HEMK2: variants seen among roughly 807,000 people sequenced by gnomAD.
The protein encoded by HEMK2 is HemK methyltransferase 2, ETF1 glutamine and histone H4 lysine, also known as methyltransferase HEMK2.
At chr21:28,840,995 A>T in the HEMK2 span, among the ~76,000 whole-genome samples, 7 of 85,876 alleles carry the variant, frequency 8.2e-5, no homozygotes, top group African/African-American at 3.2e-4. Flanking sequence ...TGATAGATAC[A>T]TATATATATT....
At chr21:28,781,162 T>C in the HEMK2 span, among the ~76,000 whole-genome samples, 1 of 152,332 alleles carries the variant, frequency 6.6e-6, no homozygotes, top group African/African-American at 2.4e-5. Context: ...GGACAGCAGA[T>C]ATGAAAGAGG....
At chr21:28,833,268 T>G in the HEMK2 span, among the ~76,000 whole-genome samples, 2 of 152,240 alleles carry the variant, frequency 1.3e-5, no homozygotes, top group Non-Finnish European at 1.5e-5. Context: ...TTAGCCACCT[T>G]TGTCTATGGG....
the HEMK2 span, among the ~76,000 whole-genome samples, chr21:28,704,406 T>C: frequency 1.3e-5 from 2 of 152,154 alleles, no homozygotes; most frequent in Non-Finnish European, 2.9e-5. Context: ...TTTGCTTTTT[T>C]TACGTCCTGG....
the HEMK2 span, among the ~76,000 whole-genome samples, chr21:28,808,428 C>T: frequency 1.4e-5 from 2 of 147,872 alleles, no homozygotes; most frequent in Admixed American, 1.3e-4. Context: ...AAAAAAAAGC[C>T]TACTGGAAAC....
At chr21:28,844,038 A>G in the HEMK2 span, among the ~76,000 whole-genome samples, 1 of 152,280 alleles carries the variant, frequency 6.6e-6, no homozygotes, top group African/African-American at 2.4e-5. Context: ...TAGGGATTAT[A>G]TAATACCTAC....
chr21:28,688,247 G>C, the HEMK2 span, among the ~76,000 whole-genome samples: 2 of 152,186 alleles, frequency 1.3e-5, no homozygotes, highest in African/African-American at 4.8e-5. Context: ...CAATGGGTTC[G>C]AGTGAAATTC....
chr21:28,764,169 G>C, the HEMK2 span, among the ~76,000 whole-genome samples: 1 of 152,018 alleles, frequency 6.6e-6, no homozygotes, highest in Non-Finnish European at 1.5e-5. Flanking sequence ...CCTTATCTTA[G>C]AGTCTGTTAC....
the HEMK2 span, among the ~76,000 whole-genome samples, chr21:28,861,129 T>C: frequency 6.6e-6 from 1 of 152,224 alleles, no homozygotes; most frequent in Admixed American, 6.5e-5. Flanking sequence ...TTGAAGAGTC[T>C]TGTAATTGCT....
chr21:28,807,300 A>G, the HEMK2 span, among the ~76,000 whole-genome samples: 1 of 152,012 alleles, frequency 6.6e-6, no homozygotes, highest in Non-Finnish European at 1.5e-5. Flanking sequence ...TTAAAGAAAA[A>G]CCCGGGAGTC....
the HEMK2 span, chr21:28,670,841 G>C: frequency 1.2e-4 from 19 of 152,296 alleles, no homozygotes; most frequent in African/African-American, 4.6e-4. Flanking sequence ...TTATAAAACT[G>C]TCAGATCTTG....
chr21:28,737,883 T>A, the HEMK2 span, among the ~76,000 whole-genome samples: 8 of 152,102 alleles, frequency 5.3e-5, no homozygotes, highest in Non-Finnish European at 1.0e-4. Flanking sequence ...ACACAAAGAA[T>A]GCAAGGATGA....
At chr21:28,818,412 T>C in the HEMK2 span, among the ~76,000 whole-genome samples, 193 of 152,282 alleles carry the variant, frequency 1.3e-3, 2 homozygotes, top group African/African-American at 4.3e-3. Flanking sequence ...CACCTTATGA[T>C]TGTGTAAGTT....
At chr21:28,817,992 T>G in the HEMK2 span, among the ~76,000 whole-genome samples, 1 of 152,228 alleles carries the variant, frequency 6.6e-6, no homozygotes, top group Non-Finnish European at 1.5e-5. Context: ...GTGTGATGGT[T>G]AATACTGAGT....
the HEMK2 span, among the ~76,000 whole-genome samples, chr21:28,877,288 GGA>G: frequency 7.5e-5 from 10 of 132,854 alleles, no homozygotes; most frequent in African/African-American, 2.6e-4. Context: ...AAGGAAGGAA[GGA>G]AGGAAGGAAG....
the HEMK2 span, among the ~76,000 whole-genome samples, chr21:28,636,294 C>T: frequency 6.6e-6 from 1 of 152,138 alleles, no homozygotes; most frequent in Non-Finnish European, 1.5e-5. Flanking sequence ...AGGTTACATG[C>T]AGCTTTCCGC....
chr21:28,774,967 A>G, the HEMK2 span, among the ~76,000 whole-genome samples: 2 of 152,204 alleles, frequency 1.3e-5, no homozygotes, highest in East Asian at 1.9e-4. Flanking sequence ...AAAGAACCCT[A>G]TAAGTGGAAA....
chr21:28,821,857 G>T, the HEMK2 span, among the ~76,000 whole-genome samples: 7 of 152,148 alleles, frequency 4.6e-5, no homozygotes, highest in Non-Finnish European at 1.0e-4. Context: ...ACATCAGAAG[G>T]TATTTCAAGA....
At chr21:28,599,745 C>T in the HEMK2 span, among the ~76,000 whole-genome samples, 11 of 152,094 alleles carry the variant, frequency 7.2e-5, no homozygotes, top group Admixed American at 4.6e-4. Context: ...ACCTATGAGC[C>T]GGTAAAATTA....
chr21:28,882,198 A>G, the HEMK2 span: 1 of 1,594,542 alleles, frequency 6.3e-7, no homozygotes, highest in South Asian at 1.2e-5. Context: ...ACTTTGTTAC[A>G]GCGTGCTGTC....
Sources: gnomAD v4.1 joint callset for allele counts (sites outside exome capture counted in the v4.1 genomes callset) on GRCh38, gnomAD v4.1.1 for gene constraint, MANE v1.5 for transcripts, NCBI Gene and HGNC (gene_info 2026-07-23, HGNC 2026-07-21) for gene names.